Variants in PTCH1 observed in about 807,000 individuals in gnomAD.
The protein encoded by PTCH1 is patched 1.
In PTCH1, 14 loss-of-function variants were observed where a neutral mutation model predicts 144.6. The ratio of observed to expected loss-of-function variants is 0.10; its 90% CI spans 0.06 to 0.15. PTCH1 has a LOEUF of 0.15. PTCH1 is among the 10% of genes least tolerant of loss of function. The pLI is 1.00. For missense variants in PTCH1, 1,623 were observed against 1,948.3 expected (o/e 0.83, Z 3.14); for synonymous variants, 833 against 793.6 (o/e 1.05, Z -0.83).
intron 2 of PTCH1, among the ~76,000 whole-genome samples, chr9:95,501,955 C>G (rs942006313): frequency 6.6e-6 from 1 of 152,168 alleles, no homozygotes; most frequent in Non-Finnish European, 1.5e-5. Flanking sequence ...GAGGCCAACA[C>G]GTGAGCACAC....
chr9:95,508,074 A>C (rs914658546), intron 1 of PTCH1, 87 bp downstream of exon 1: 1 of 1,585,070 alleles, frequency 6.3e-7, no homozygotes, highest in Non-Finnish European at 8.6e-7. Context: ...AGAGAGGAAG[A>C]GAGTGTGTGT....
At position 95,449,996 on chromosome 9, in the gene PTCH1, C is replaced by T. The variant is rs1292941201; in HGVS notation, c.3450-56G>A. On this transcript the variant is annotated intron_variant, in intron 20 of 23. Transcript: ENST00000331920. The surrounding 1 kb of genome is among the most constrained non-coding windows in gnomAD (Gnocchi z 5.3). ...GCTGTGACAGGGTGGATCGCGCCAC[C>T]CTCCGTGTGCCCGACACAGCAGCAT... is the stretch of plus-strand genomic sequence containing the variant. 2.0e-6 allele frequency: 3 copies of T among 1,476,334 alleles called. No homozygotes were observed. The highest frequency in any genetic ancestry group is 2.8e-6 in the Non-Finnish European group (3 of 1,059,588). The allele number at this position is 1,476,334 out of a possible 1,614,324, so 91.5% of individuals were successfully genotyped here.
At chr9:95,516,852 A>G in exon 1 of PTCH1, 5 of 1,553,574 alleles carry the variant, frequency 3.2e-6, no homozygotes, top group South Asian at 2.4e-5. Context: ...GCCGCGCCAT[A>G]GGCAGGACCT....
chr9:95,505,532 CTT>C (rs1843509041), intron 2 of PTCH1, among the ~76,000 whole-genome samples: 3 of 152,154 alleles, frequency 2.0e-5, no homozygotes, highest in African/African-American at 7.2e-5. Flanking sequence ...TCTGCAACTG[CTT>C]TGCTAAGGTC....
At position 95,451,676 on chromosome 9, in the gene PTCH1, A is replaced by C. The variant is rs371092258; in HGVS notation, c.3450-1736T>G. On this transcript the variant is annotated intron_variant, in intron 20 of 23. Coordinates refer to ENST00000331920, the MANE Select transcript of PTCH1 (RefSeq NM_000264.5). ...TACACAGAGGGATATGGGGGTCCCC[A>C]TTATTTGCTGTTGTGCAAATGGCAC... 3 of 152,342 alleles carry C rather than the reference A, an allele frequency of 2.0e-5. No homozygotes were observed. In the East Asian group the frequency reaches 5.8e-4, roughly 29 times the overall value. 9.4% of individuals were successfully genotyped at this position (152,342 alleles called of 1,614,324 possible).
intron 1 of PTCH1, 173 bp downstream of exon 1, chr9:95,507,988 T>C: frequency 6.6e-7 from 1 of 1,504,618 alleles, no homozygotes. Flanking sequence ...AGAGGGAGGG[T>C]TTGAATTTTT....
upstream of PTCH1, among the ~76,000 whole-genome samples, chr9:95,511,242 C>T (rs1223999499): frequency 1.3e-5 from 2 of 151,682 alleles, no homozygotes; most frequent in Admixed American, 6.6e-5. Flanking sequence ...TTCCTTCCTC[C>T]CCGGCGGTTT....
At chr9:95,515,085 AGTACCACC>A (rs75838843) in intron 1 of PTCH1, among the ~76,000 whole-genome samples, 29,097 of 152,014 alleles carry the variant, frequency 0.19, 3,021 homozygotes, top group Non-Finnish European at 0.23. Flanking sequence ...ATTTATCCGG[AGTACCACC>A]CAGAAATTTT....
At chr9:95,504,170 TAACATTTGGCCC>T (rs1843375439) in intron 2 of PTCH1, among the ~76,000 whole-genome samples, 1 of 146,558 alleles carries the variant, frequency 6.8e-6, no homozygotes, top group African/African-American at 2.5e-5. Context: ...ACTGAGTAAA[TAACATTTGGCCC>T]AAGACCAGTG....
At chr9:95,465,698 TG>T (rs751406421) in intron 15 of PTCH1, among the ~76,000 whole-genome samples, 1 of 152,186 alleles carries the variant, frequency 6.6e-6, no homozygotes, top group African/African-American at 2.4e-5. Flanking sequence ...TACATACAAG[TG>T]TATTGACTTC....
intron 5 of PTCH1, among the ~76,000 whole-genome samples, chr9:95,481,042 T>A (rs1275473157): frequency 6.6e-6 from 1 of 152,226 alleles, no homozygotes; most frequent in East Asian, 1.9e-4. Flanking sequence ...ATGAGCGCTC[T>A]CTGACAGCCT....
chr9:95,490,179 T>TA (rs1274145394), intron 2 of PTCH1, among the ~76,000 whole-genome samples: 1 of 151,318 alleles, frequency 6.6e-6, no homozygotes, highest in African/African-American at 2.4e-5. Context: ...AGAGTATAAT[T>TA]AAAAGCTTCT....
At chr9:95,516,925 G>C in exon 1 of PTCH1, 2 of 951,164 alleles carry the variant, frequency 2.1e-6, no homozygotes, top group South Asian at 3.5e-5. Context: ...GGAAAGCAAA[G>C]TAAACTCGAG....
rs1414290833 is a variant in PTCH1, at chr9:95,458,305, A to C, written c.2888-12T>G. On this transcript the variant is annotated splice_polypyrimidine_tract_variant and intron_variant, in intron 17 of 23. Coordinates refer to ENST00000331920, the MANE Select transcript of PTCH1 (RefSeq NM_000264.5). This position sits in a 1 kb window ranked among gnomAD's most constrained non-coding sequence, Gnocchi z 4.7. ...CTCTGCTGCCGGGACTGGACAGAGA[A>C]GGGCACAGGTTAGGAGCAGCCCAGG... is the stretch of plus-strand genomic sequence containing the variant. 5.0e-6 allele frequency: 8 copies of C among 1,613,298 alleles called. No homozygotes were observed. The East Asian group carries it at 1.8e-4, about 36-fold the overall frequency.
At chr9:95,515,803 T>C (rs1417744811) in intron 1 of PTCH1, among the ~76,000 whole-genome samples, 2 of 152,152 alleles carry the variant, frequency 1.3e-5, no homozygotes, top group African/African-American at 4.8e-5. Context: ...CAAAAGCCTC[T>C]CTGGCCCTTT....
intron 20 of PTCH1, chr9:95,453,181 G>A (rs2136628939): frequency 2.5e-6 from 1 of 403,668 alleles, no homozygotes. Context: ...CACCCAGGCT[G>A]GAGTGTAGTG....
intron 19 of PTCH1, among the ~76,000 whole-genome samples, chr9:95,454,723 T>C (rs1456523095): frequency 6.6e-6 from 1 of 152,244 alleles, no homozygotes; most frequent in East Asian, 1.9e-4. Context: ...CCCACTGATT[T>C]CCTAAAGACA....
Position 95,516,495 on chromosome 9 carries a change from G to C in PTCH1, c.-24C>G, listed in dbSNP as rs1490467654. 2.0e-6 allele frequency: 3 copies of C among 1,535,548 alleles called. No homozygotes were observed. The East Asian group carries it at 7.4e-5, about 38-fold the overall frequency. ...ATAGCCGGCCGTCAACCCCTGCTCG[G>C]AGCGCGGGTGCCGATGGCGCGGACG... On this transcript the variant is annotated 5_prime_UTR_variant, in exon 1 of 23. Transcript: ENST00000430669.
upstream of PTCH1, among the ~76,000 whole-genome samples, chr9:95,511,558 G>GA (rs1844162241): frequency 6.6e-6 from 1 of 152,198 alleles, no homozygotes; most frequent in South Asian, 2.1e-4. Context: ...ACCGCTTAAG[G>GA]AGCACGTGAT....
Sources: gnomAD v4.1 joint callset for allele counts (sites outside exome capture counted in the v4.1 genomes callset) on GRCh38, gnomAD v4.1.1 for gene constraint, Gnocchi (gnomAD v3.1) non-coding constraint, MANE v1.5 for transcripts, NCBI Gene and HGNC (gene_info 2026-07-23, HGNC 2026-07-21) for gene names.